The following AP2A2 variants were observed in gnomAD, a reference collection of about 807,000 sequenced individuals.
The protein encoded by AP2A2 is adaptor related protein complex 2 subunit alpha 2, also known as AP-2 complex subunit alpha-2.
Under a neutral mutation model 104.2 loss-of-function variants are expected in AP2A2, and 32 were observed. That is an observed-to-expected ratio of 0.31 (90% CI 0.23 to 0.41). The LOEUF (loss-of-function observed/expected upper bound fraction) is 0.41. Ranked by LOEUF, AP2A2 falls within the 10% of genes least tolerant of loss-of-function variation. AP2A2 has a pLI of 1.00. For synonymous variants in AP2A2, 539 were observed against 533.3 expected (o/e 1.01, Z -0.15); for missense variants, 912 against 1,261.0 (o/e 0.72, Z 4.19).
At chr11:977,383 T>C (rs1001452627) in intron 5 of AP2A2, among the ~76,000 whole-genome samples, 159 bp downstream of exon 5, 3 of 151,910 alleles carry the variant, frequency 2.0e-5, no homozygotes, top group Non-Finnish European at 4.4e-5. Flanking sequence ...TTCCTGGGGC[T>C]GGATGAGTAA....
chr11:981,208 C>G lies in AP2A2; in HGVS notation c.614C>G (p.Thr205Ser), dbSNP rs748701306. The change falls in exon 6 of 22, where the codon ACT becomes AGT. Residue 205 changes from threonine to serine, a missense_variant. Coordinates refer to ENST00000448903, the MANE Select transcript of AP2A2 (RefSeq NM_012305.4). ...TGTGTTTTCTTTCAGGGTGTGGTAACTGCAGCCACAAGTCTGATCACCACT... is the reference window on the plus strand; with the variant it reads ...TGTGTTTTCTTTCAGGGTGTGGTAAGTGCAGCCACAAGTCTGATCACCACT... ...LLNDQHLGVV[T>S]AATSLITTLA... 6.2e-7 allele frequency: 1 copy of G among 1,612,220 alleles called. No individual in the cohort carries two copies. The highest frequency in any genetic ancestry group is 8.5e-7 in the Non-Finnish European group (1 of 1,179,242).
chr11:972,168 G>T lies in AP2A2; in HGVS notation c.386G>T (p.Gly129Val). 5 of 1,613,020 alleles carry T rather than the reference G, an allele frequency of 3.1e-6. No homozygotes were observed. The highest frequency in any genetic ancestry group is 4.2e-6 in the Non-Finnish European group (5 of 1,179,664). ...GCCAGCCGCAACCCCACCTTCATGG[G>T]CCTGGCCCTGCACTGCATCGCCAGC... ...DLASRNPTFM[G>V]LALHCIASVG... Residue 129 changes from glycine to valine, a missense_variant, in exon 4 of 22, where the codon GGC (glycine) becomes GTC (valine). Around this residue, in one of 7 missense-constraint regions of AP2A2, gnomAD observed 350 missense variants for 487.0 expected, o/e 0.72. Transcript: ENST00000448903.
chr11:936,350 C>T (rs529990396), intron 1 of AP2A2, among the ~76,000 whole-genome samples: 76 of 151,606 alleles, frequency 5.0e-4, no homozygotes, highest in African/African-American at 1.8e-3. Context: ...GTAGCTGGGC[C>T]TACAGGACAT....
rs1855675403 is a variant in AP2A2, at chr11:992,068, A to G, written c.1270-435A>G. On this transcript the variant is annotated intron_variant, in intron 10 of 21. Transcript: ENST00000448903. The surrounding 1 kb of genome is among the most constrained non-coding windows in gnomAD (Gnocchi z 6.4). Reference sequence around the variant, plus strand: ...GGAAAGACTGGCCAGAGCCGGAAGAAACCAGCAGAGAAGTGGCCGCCGGGA... The same window carrying G: ...GGAAAGACTGGCCAGAGCCGGAAGAGACCAGCAGAGAAGTGGCCGCCGGGA... Among the ~76,000 whole-genome samples the G allele has an allele frequency of 6.6e-6, 1 of 152,102 alleles. No individual in the cohort carries two copies. The highest frequency in any genetic ancestry group is 2.1e-4 in the South Asian group (1 of 4,828).
intron 14 of AP2A2, among the ~76,000 whole-genome samples, chr11:995,543 C>T (rs1447086539): frequency 1.3e-5 from 2 of 151,766 alleles, no homozygotes; most frequent in Non-Finnish European, 2.9e-5. Context: ...GGGTGAGCTC[C>T]TGTGGTGGTG....
In AP2A2 at chr11:935,603, G is replaced by GTTTTTTTTTTTTTTTTTTTTTTTTTT. The variant is rs757190222; in HGVS notation, c.67+9537_67+9538insTTTTTTTTTTTTTTTTTTTTTTTTTT. On this transcript the variant is annotated intron_variant, in intron 1 of 21. Coordinates refer to ENST00000448903, the MANE Select transcript of AP2A2 (RefSeq NM_012305.4). The stretch of plus-strand genomic sequence containing the variant: ...AAGTGTGAGCCACTGTGCCCGGCCA[G>GTTTTTTTTTTTTTTTTTTTTTTTTTT]TTTTTTTTTTTTTTTTTTTTTTGAG... Among the ~76,000 whole-genome samples the GTTTTTTTTTTTTTTTTTTTTTTTTTT allele has an allele frequency of 3.6e-4, 28 of 77,956 alleles. 3 individuals carry two copies. Among genetic ancestry groups the GTTTTTTTTTTTTTTTTTTTTTTTTTT allele is most frequent in the South Asian group, 1.7e-3 (2 of 1,208 alleles). The allele number at this position is 77,956 out of a possible 152,430, so 51.1% of individuals were successfully genotyped here.
intron 1 of AP2A2, among the ~76,000 whole-genome samples, chr11:945,726 G>C (rs1001988068): frequency 1.2e-4 from 18 of 152,274 alleles, no homozygotes; most frequent in African/African-American, 4.1e-4. Flanking sequence ...CAAAACTGGA[G>C]GATCTCTTGA....
chr11:978,931 A>G (rs1008343115), intron 5 of AP2A2, among the ~76,000 whole-genome samples: 1 of 152,102 alleles, frequency 6.6e-6, no homozygotes, highest in Non-Finnish European at 1.5e-5. Context: ...CGAGTGCTGC[A>G]TGGGCACCGT....
chr11:931,850 C>T (rs915704247), intron 1 of AP2A2, among the ~76,000 whole-genome samples: 1 of 147,734 alleles, frequency 6.8e-6, no homozygotes, highest in Non-Finnish European at 1.5e-5. Context: ...GTCACCCAGG[C>T]TGGAGTGCAG....
chr11:1,009,586 C>A, intron 20 of AP2A2, 97 bp from the exon 21 acceptor site: 1 of 1,094,144 alleles, frequency 9.1e-7, no homozygotes, highest in Non-Finnish European at 1.3e-6. Flanking sequence ...GGACACGCAG[C>A]CCACGACCCA....
chr11:985,646 A>T, intron 8 of AP2A2, 64 bp downstream of exon 8: 1 of 1,602,226 alleles, frequency 6.2e-7, no homozygotes. Flanking sequence ...TCTCGTTGGC[A>T]CGAGACTGGG....
At position 972,268 on chromosome 11, in the gene AP2A2, C is replaced by G. The variant is rs780864083; in HGVS notation, c.473+13C>G. ...TCCTCGTAGCCGGGTATGTGCCGGG[C>G]TCGTGCCGGGCTCCTGCTGAAGATG... On this transcript the variant is annotated intron_variant, in intron 4 of 21. Transcript: ENST00000448903. 11 of 1,575,224 alleles carry G rather than the reference C, an allele frequency of 7.0e-6. No individual in the cohort carries two copies. The South Asian group carries it at 1.1e-4, about 16-fold the overall frequency.
intron 16 of AP2A2, among the ~76,000 whole-genome samples, chr11:1,004,641 T>C (rs917205099): frequency 6.6e-6 from 1 of 152,004 alleles, no homozygotes; most frequent in Non-Finnish European, 1.5e-5. Context: ...GTAGACGTGC[T>C]GGTGCACACC....
Position 1,009,219 on chromosome 11 carries a change from G to A in AP2A2, c.2537+3G>A, listed in dbSNP as rs149796379. 2.0e-3 allele frequency: 3,266 copies of A among 1,613,230 alleles called. 7 individuals are homozygous for A. The highest frequency in any genetic ancestry group is 0.011 in the Middle Eastern group (64 of 6,058). ...CAACGTTGGAAGCAGTTGAGCAAGTGAGAAACCTGTTTCCTGTAGGGGTCA... is the reference window on the plus strand; with the variant it reads ...CAACGTTGGAAGCAGTTGAGCAAGTAAGAAACCTGTTTCCTGTAGGGGTCA... On this transcript the variant is annotated splice_donor_region_variant and intron_variant, in intron 19 of 21. Coordinates refer to ENST00000448903, the MANE Select transcript of AP2A2 (RefSeq NM_012305.4).
chr11:1,010,392 G>C (rs955442365), intron 21 of AP2A2, 156 bp from the exon 22 acceptor site: 2 of 622,286 alleles, frequency 3.2e-6, no homozygotes, highest in African/African-American at 3.7e-5. Flanking sequence ...TTTTCATGCT[G>C]ACAGTGTGTG....
intron 19 of AP2A2, 21 bp downstream of exon 19, chr11:1,009,237 A>G (rs757079714): frequency 1.9e-6 from 3 of 1,609,168 alleles, no homozygotes; most frequent in Non-Finnish European, 2.6e-6. Flanking sequence ...TGTTTCCTGT[A>G]GGGGTCAGGG....
intron 1 of AP2A2, 66 bp downstream of exon 1, chr11:926,154 A>T (rs1853112792): frequency 9.5e-7 from 1 of 1,047,446 alleles, no homozygotes; most frequent in Non-Finnish European, 1.2e-6. Flanking sequence ...CTGGGAGCGG[A>T]GGCCCGGGGC....
intron 4 of AP2A2, among the ~76,000 whole-genome samples, chr11:973,494 G>A (rs1854904431): frequency 6.6e-6 from 1 of 152,196 alleles, no homozygotes; most frequent in Non-Finnish European, 1.5e-5. Context: ...AAGCGCAAGA[G>A]CTCAGAGATG....
intron 1 of AP2A2, among the ~76,000 whole-genome samples, chr11:927,816 CAA>C (rs35472837): frequency 4.4e-5 from 3 of 68,828 alleles, no homozygotes; most frequent in Middle Eastern, 0.011. Flanking sequence ...ACCTTTCTCA[CAA>C]AAAAAAAAAA....
Sources: gnomAD v4.1 joint callset for allele counts (sites outside exome capture counted in the v4.1 genomes callset) on GRCh38, gnomAD v4.1.1 for gene constraint, gnomAD v4.1.1 regional missense constraint, Gnocchi (gnomAD v3.1) non-coding constraint, MANE v1.5 for transcripts, NCBI Gene and HGNC (gene_info 2026-07-23, HGNC 2026-07-21) for gene names.